FOXJ3: variants seen among roughly 807,000 people sequenced by gnomAD.
FOXJ3 encodes forkhead box J3.
A neutral mutation model predicts 76.1 loss-of-function variants in FOXJ3; 22 were observed. The ratio of observed to expected loss-of-function variants is 0.29; its 90% CI spans 0.21 to 0.41. The LOEUF is 0.41. Ranked by LOEUF, FOXJ3 falls within the 10% of genes least tolerant of loss-of-function variation. FOXJ3 has a pLI of 1.00. For missense variants in FOXJ3, 613 were observed against 762.1 expected (o/e 0.80, Z 2.30); for synonymous variants, 269 against 261.2 (o/e 1.03, Z -0.29).
chr1:42,217,684 T>G (rs72952339), intron 5 of FOXJ3, among the ~76,000 whole-genome samples: 3 of 152,194 alleles, frequency 2.0e-5, no homozygotes, highest in Non-Finnish European at 4.4e-5. Context: ...TTTTATGGAT[T>G]AGAATATTCA....
chr1:42,328,798 C>G (rs1655991344), intron 1 of FOXJ3, among the ~76,000 whole-genome samples: 1 of 151,068 alleles, frequency 6.6e-6, no homozygotes, highest in African/African-American at 2.4e-5. Flanking sequence ...TCCCAAATAG[C>G]TGGGACTGCA....
chr1:42,240,147 C>T (rs940348318), intron 4 of FOXJ3, among the ~76,000 whole-genome samples: 3 of 152,140 alleles, frequency 2.0e-5, no homozygotes, highest in Admixed American at 6.5e-5. Context: ...TTTTGCTTAA[C>T]ACTCAATATA....
intron 2 of FOXJ3, among the ~76,000 whole-genome samples, chr1:42,287,029 A>G (rs777828854): frequency 2.4e-4 from 37 of 152,098 alleles, no homozygotes; most frequent in Non-Finnish European, 4.1e-4. Flanking sequence ...TCTAGGGTAT[A>G]CAATTCATTG....
At chr1:42,179,869 G>C (rs1553153334) in intron 12 of FOXJ3, 44 bp from the exon 13 acceptor site, 3 of 1,261,026 alleles carry the variant, frequency 2.4e-6, no homozygotes, top group South Asian at 1.2e-5. Context: ...GGGTAGAGAA[G>C]AAAGTAAGAA....
chr1:42,189,442 G>A (rs1242125972), intron 9 of FOXJ3, 38 bp from the exon 10 acceptor site: 1 of 1,428,710 alleles, frequency 7.0e-7, no homozygotes, highest in South Asian at 1.2e-5. Context: ...CCTGGATGGT[G>A]AAAGGGTGAA....
chr1:42,243,509 A>G (rs1377934226), intron 4 of FOXJ3, among the ~76,000 whole-genome samples: 2 of 152,212 alleles, frequency 1.3e-5, no homozygotes, highest in Admixed American at 1.3e-4. Flanking sequence ...CCATGACCCA[A>G]CTATATGCTG....
At chr1:42,306,018 G>T (rs770948642) in intron 2 of FOXJ3, among the ~76,000 whole-genome samples, 1 of 151,926 alleles carries the variant, frequency 6.6e-6, no homozygotes, top group Admixed American at 6.6e-5. Flanking sequence ...GAAACAAAAG[G>T]AAGTTACAAA....
In FOXJ3 at chr1:42,278,540, G is replaced by T; in HGVS notation, c.177C>A (p.Leu59=). ...GGTCCAGAGTTGTATTTGGGTCAAG[G>T]AGTGCATTCTTCTTAGAAATTCCTG... ...HGTGISKKNA[L]LDPNTTLDQE... is the part of the protein sequence containing the mutation. Residue 59 remains leucine, a synonymous_variant, in exon 3 of 13, where the codon CTC becomes CTA. Coordinates refer to ENST00000361346, the MANE Select transcript of FOXJ3 (RefSeq NM_014947.5). The T allele has an allele frequency of 6.2e-7, 1 of 1,614,138 alleles. No individual in the cohort carries two copies. The highest frequency in any genetic ancestry group is 8.5e-7 in the Non-Finnish European group (1 of 1,180,030).
intron 4 of FOXJ3, among the ~76,000 whole-genome samples, chr1:42,252,300 A>T (rs1298778957): frequency 1.3e-5 from 2 of 152,102 alleles, no homozygotes; most frequent in African/African-American, 4.8e-5. Context: ...ACAATTTCAG[A>T]TCCTGTTATT....
intron 2 of FOXJ3, among the ~76,000 whole-genome samples, chr1:42,301,722 T>C (rs1654161427): frequency 6.6e-6 from 1 of 152,236 alleles, no homozygotes; most frequent in African/African-American, 2.4e-5. Flanking sequence ...ACTGTTTTTC[T>C]GATGTGTGTG....
At chr1:42,281,828 G>C (rs950555757) in intron 2 of FOXJ3, among the ~76,000 whole-genome samples, 1 of 152,172 alleles carries the variant, frequency 6.6e-6, no homozygotes, top group African/African-American at 2.4e-5. Flanking sequence ...GGAGGCCGAG[G>C]CAGGCGGATC....
rs1649838009 is a variant in FOXJ3, at chr1:42,249,459, C to A, written c.444+15656G>T. On this transcript the variant is annotated intron_variant, in intron 4 of 12. Coordinates refer to ENST00000361346, the MANE Select transcript of FOXJ3 (RefSeq NM_014947.5). The stretch of plus-strand genomic sequence containing the variant: ...ATTTAAAGTAGATGTGAATCAATGT[C>A]AAGAAGTGAAATAAGTTTTCTGGCC... Among the ~76,000 whole-genome samples, 2 of 152,100 alleles carry A rather than the reference C, an allele frequency of 1.3e-5. 1 individual carries two copies. The highest frequency in any genetic ancestry group is 4.1e-4 in the South Asian group (2 of 4,824).
At position 42,179,537 on chromosome 1, in the gene FOXJ3, G is replaced by A. The variant is rs1480033004; in HGVS notation, c.*173C>T. ...AAACATGTAGTACTTGCTTGGGTCAGATAAAAGCAGTAAGTTATCCAGCTA... is the reference window on the plus strand; with the variant it reads ...AAACATGTAGTACTTGCTTGGGTCAAATAAAAGCAGTAAGTTATCCAGCTA... On this transcript the variant is annotated 3_prime_UTR_variant, in exon 13 of 13. Coordinates refer to ENST00000361346, the MANE Select transcript of FOXJ3 (RefSeq NM_014947.5). The A allele has an allele frequency of 2.4e-5, 12 of 491,356 alleles. No individual in the cohort carries two copies. In the East Asian group the frequency reaches 4.2e-4, roughly 17 times the overall value. The allele number at this position is 491,356 out of a possible 1,614,324, so 30.4% of individuals were successfully genotyped here. A position where few individuals can be genotyped will look rare whatever the true frequency, so the allele number is the denominator to read the frequency against.
At chr1:42,266,412 T>C (rs1651468920) in intron 3 of FOXJ3, among the ~76,000 whole-genome samples, 1 of 151,014 alleles carries the variant, frequency 6.6e-6, no homozygotes, top group African/African-American at 2.4e-5. Context: ...AGAGCTCAGG[T>C]TGCAAGGCAA....
intron 4 of FOXJ3, among the ~76,000 whole-genome samples, chr1:42,261,323 T>G (rs1405609691): frequency 6.6e-6 from 1 of 151,548 alleles, no homozygotes; most frequent in Non-Finnish European, 1.5e-5. Flanking sequence ...AAGGGTATAA[T>G]CAAGAGAAAA....
chr1:42,328,592 G>A (rs768189712), intron 1 of FOXJ3, among the ~76,000 whole-genome samples: 8 of 151,938 alleles, frequency 5.3e-5, no homozygotes, highest in East Asian at 1.9e-4. Context: ...TATTAGAAAC[G>A]AGGCCTTTAT....
intron 2 of FOXJ3, among the ~76,000 whole-genome samples, chr1:42,284,756 C>G (rs1652942572): frequency 6.6e-6 from 1 of 152,176 alleles, no homozygotes; most frequent in African/African-American, 2.4e-5. Flanking sequence ...GGTCAAATAA[C>G]TTGGATGAAG....
intron 2 of FOXJ3, among the ~76,000 whole-genome samples, chr1:42,301,456 G>A (rs978029698): frequency 6.6e-5 from 10 of 151,952 alleles, no homozygotes; most frequent in African/African-American, 1.2e-4. Flanking sequence ...ACCCGCCTCC[G>A]CCTCCAAAAG....
intron 10 of FOXJ3, 54 bp from the exon 11 acceptor site, chr1:42,188,982 A>C (rs1646490870): frequency 2.6e-6 from 3 of 1,162,764 alleles, no homozygotes. Context: ...AAACATTGCA[A>C]GGAAAATAGC....
Sources: gnomAD v4.1 joint callset for allele counts (sites outside exome capture counted in the v4.1 genomes callset) on GRCh38, gnomAD v4.1.1 for gene constraint, MANE v1.5 for transcripts, NCBI Gene and HGNC (gene_info 2026-07-23, HGNC 2026-07-21) for gene names.